The following SLC5A8 variants were observed in gnomAD, a reference collection of about 807,000 sequenced individuals.
SLC5A8 encodes the protein sodium-coupled monocarboxylate transporter 1.
A neutral mutation model predicts 71.9 loss-of-function variants in SLC5A8; 55 were observed. The observed-to-expected ratio is 0.77, with a 90% CI of 0.62 to 0.96. SLC5A8 has a LOEUF of 0.96. Among genes scored for constraint, SLC5A8 ranks in the 40% least tolerant of loss-of-function variants. The pLI is 0.00. For synonymous variants in SLC5A8, 307 were observed against 276.1 expected (o/e 1.11, Z -1.11); for missense variants, 701 against 745.3 (o/e 0.94, Z 0.69).
chr12:101,162,551 A>G (rs1180378064), intron 12 of SLC5A8, among the ~76,000 whole-genome samples: 1 of 152,236 alleles, frequency 6.6e-6, no homozygotes, highest in Non-Finnish European at 1.5e-5. Context: ...ACCATGGAAT[A>G]CCATGCAGCC....
intron 1 of SLC5A8, among the ~76,000 whole-genome samples, chr12:101,205,005 T>C (rs1869618622): frequency 6.6e-6 from 1 of 152,230 alleles, no homozygotes; most frequent in Non-Finnish European, 1.5e-5. Flanking sequence ...ATCTACTCCA[T>C]ACATTTTTCT....
intron 10 of SLC5A8, among the ~76,000 whole-genome samples, chr12:101,174,902 C>T (rs956239147): frequency 2.0e-5 from 3 of 152,116 alleles, no homozygotes; most frequent in Admixed American, 2.0e-4. Context: ...TTGAAATGCC[C>T]AGGTTTCAAC....
intron 1 of SLC5A8, among the ~76,000 whole-genome samples, chr12:101,206,666 T>C (rs905576612): frequency 1.3e-5 from 2 of 152,234 alleles, no homozygotes; most frequent in African/African-American, 4.8e-5. Flanking sequence ...TACAGAGTAA[T>C]GATAGGTGCC....
At position 101,155,806 on chromosome 12, in the gene SLC5A8, T is replaced by TC. The variant is rs998718194; in HGVS notation, c.*1472_*1473insG. On this transcript the variant is annotated 3_prime_UTR_variant, in exon 15 of 15. Transcript: ENST00000536262. ...GAGCCATCATGCCCAGGCTTTTTTT[T>TC]TTTTTTAAATTTCTTAACATTGTCA... 7 of 143,298 alleles carry TC rather than the reference T, an allele frequency of 4.9e-5. No homozygotes were observed. The highest frequency in any genetic ancestry group is 7.7e-5 in the Non-Finnish European group (5 of 64,678). The allele number at this position is 143,298 out of a possible 1,614,324, so 8.9% of individuals were successfully genotyped here. A position where few individuals can be genotyped will look rare whatever the true frequency, so the allele number is the denominator to read the frequency against.
rs764076327 is a variant in SLC5A8 at position 101,184,117 on chromosome 12, A to G, written c.1052+17T>C. 5 of 1,600,694 alleles carry G rather than the reference A, an allele frequency of 3.1e-6. No individual in the cohort carries two copies. Among genetic ancestry groups the G allele is most frequent in the East Asian group, 2.2e-5 (1 of 44,818 alleles). ...CCCAACAGGGAAATCATATGTTATT[A>G]GAGTCATAGTTCATACCTTAATGTC... On this transcript the variant is annotated intron_variant, in intron 8 of 14. Transcript: ENST00000536262.
At chr12:101,190,067 T>G (rs960750799) in intron 6 of SLC5A8, among the ~76,000 whole-genome samples, 1 of 152,234 alleles carries the variant, frequency 6.6e-6, no homozygotes. Context: ...CTATATGTAC[T>G]CTGGAACATT....
At chr12:101,204,708 T>C (rs1008909322) in intron 1 of SLC5A8, 143 bp from the exon 2 acceptor site, 59 of 622,100 alleles carry the variant, frequency 9.5e-5, no homozygotes, top group Admixed American at 6.4e-4. Flanking sequence ...GTTATTTTTA[T>C]TTATACACAG....
At chr12:101,198,487 C>G (rs1449885444) in intron 3 of SLC5A8, among the ~76,000 whole-genome samples, 1 of 151,840 alleles carries the variant, frequency 6.6e-6, no homozygotes, top group Non-Finnish European at 1.5e-5. Context: ...AAAAGCATAA[C>G]AAGAGGGTAT....
chr12:101,187,869 A>G (rs186944540), intron 6 of SLC5A8, among the ~76,000 whole-genome samples: 1 of 152,336 alleles, frequency 6.6e-6, no homozygotes, highest in Non-Finnish European at 1.5e-5. Context: ...AGCATTAACT[A>G]TTACTCATTT....
chr12:101,177,324 A>G (rs1016399905), intron 10 of SLC5A8, among the ~76,000 whole-genome samples: 41 of 152,066 alleles, frequency 2.7e-4, no homozygotes, highest in African/African-American at 8.4e-4. Context: ...TCTACCAAAT[A>G]ATTAAGGAAG....
At position 101,190,640 on chromosome 12, in the gene SLC5A8, A is replaced by G. The variant is rs200692600; in HGVS notation, c.693-32T>C. Reference sequence around the variant, plus strand: ...GACAAGAAACAGAAAACAAATCTGAACTATTAGCAGAGACTAAAAAAAATT... The same window carrying G: ...GACAAGAAACAGAAAACAAATCTGAGCTATTAGCAGAGACTAAAAAAAATT... On this transcript the variant is annotated intron_variant, in intron 5 of 14. Coordinates refer to ENST00000536262, the MANE Select transcript of SLC5A8 (RefSeq NM_145913.5). 3.9e-4 allele frequency: 614 copies of G among 1,586,318 alleles called. 1 individual carries two copies. Among genetic ancestry groups the G allele is most frequent in the Non-Finnish European group, 1.1e-4 (128 of 1,170,632 alleles).
intron 2 of SLC5A8, among the ~76,000 whole-genome samples, chr12:101,203,740 G>A (rs1869555262): frequency 6.6e-6 from 1 of 152,220 alleles, no homozygotes; most frequent in African/African-American, 2.4e-5. Context: ...CAGCCCTAAA[G>A]TGCTTAACTG....
intron 8 of SLC5A8, 45 bp downstream of exon 8, chr12:101,184,089 G>T: frequency 6.4e-7 from 1 of 1,562,440 alleles, no homozygotes; most frequent in Non-Finnish European, 8.8e-7. Flanking sequence ...ATAAAAGAAA[G>T]ATCCCAACAG....
chr12:101,194,723 C>T (rs1869084529), intron 4 of SLC5A8, among the ~76,000 whole-genome samples: 3 of 152,134 alleles, frequency 2.0e-5, no homozygotes, highest in Non-Finnish European at 4.4e-5. Context: ...GTGATCCTTC[C>T]ACCTCGGCCT....
chr12:101,166,780 A>G, intron 11 of SLC5A8, 81 bp from the exon 12 acceptor site: 1 of 1,279,298 alleles, frequency 7.8e-7, no homozygotes. Context: ...GCCAAGTTCA[A>G]CATGGCACGA....
Position 101,161,955 on chromosome 12 carries a change from CTAA to C in SLC5A8, c.1630+16_1630+18del. ...TGATATAGAGGTAAATACAACAATA[CTAA>C]TGTTTAGATAGTTACCTGTTGATAA... On this transcript the variant is annotated intron_variant, in intron 13 of 14. Transcript: ENST00000536262. 3 of 1,525,638 alleles carry C rather than the reference CTAA, an allele frequency of 2.0e-6. No individual in the cohort carries two copies. Among genetic ancestry groups the C allele is most frequent in the Non-Finnish European group, 2.7e-6 (3 of 1,099,848 alleles). The allele number at this position is 1,525,638 out of a possible 1,614,324, so 94.5% of individuals were successfully genotyped here. A position where few individuals can be genotyped will look rare whatever the true frequency, so the allele number is the denominator to read the frequency against.
intron 1 of SLC5A8, 21 bp from the exon 2 acceptor site, chr12:101,204,586 A>T: frequency 1.3e-6 from 2 of 1,545,798 alleles, no homozygotes; most frequent in Non-Finnish European, 8.8e-7. Flanking sequence ...AAAAAAAATT[A>T]TGCGAATCCT....
chr12:101,205,728 CTG>C (rs1338546642), intron 1 of SLC5A8, among the ~76,000 whole-genome samples: 1 of 152,216 alleles, frequency 6.6e-6, no homozygotes, highest in Non-Finnish European at 1.5e-5. Flanking sequence ...GACAAGAACA[CTG>C]GGCCTCAGAT....
intron 12 of SLC5A8, among the ~76,000 whole-genome samples, chr12:101,162,328 G>C (rs1266583287): frequency 6.6e-6 from 1 of 152,162 alleles, no homozygotes; most frequent in African/African-American, 2.4e-5. Context: ...CACTGCTCTT[G>C]TGATTGGACA....
Sources: gnomAD v4.1 joint callset for allele counts (sites outside exome capture counted in the v4.1 genomes callset) on GRCh38, gnomAD v4.1.1 for gene constraint, MANE v1.5 for transcripts, NCBI Gene and HGNC (gene_info 2026-07-23, HGNC 2026-07-21) for gene names.